The following CFTR variants were observed in gnomAD, a reference collection of about 807,000 sequenced individuals.
CFTR encodes the protein cystic fibrosis transmembrane conductance regulator.
A neutral mutation model predicts 171.6 loss-of-function variants in CFTR; 181 were observed. That is an observed-to-expected ratio of 1.05 (90% CI 0.93 to 1.19). The LOEUF is 1.19. Ranked by LOEUF, CFTR falls within the 50% of genes most tolerant of loss-of-function variation. CFTR has a pLI of 0.00. For missense variants in CFTR, 1,968 were observed against 1,734.7 expected, an observed-to-expected ratio of 1.13 and a Z score of -2.39; for synonymous variants, 583 against 608.0, an observed-to-expected ratio of 0.96 and a Z score of 0.60.
intron 3 of CFTR, among the ~76,000 whole-genome samples, chr7:117,524,490 T>A (rs983644090): frequency 6.6e-6 from 1 of 152,124 alleles, no homozygotes; most frequent in Non-Finnish European, 1.5e-5. Context: ...AAAATATTGA[T>A]CTAAAATAAT....
At chr7:117,580,936 T>C (rs1405544929) in intron 11 of CFTR, among the ~76,000 whole-genome samples, 19 of 152,134 alleles carry the variant, frequency 1.2e-4, no homozygotes, top group South Asian at 2.1e-4. Flanking sequence ...CTGAAACATA[T>C]TCTAGTGGAA....
intron 22 of CFTR, among the ~76,000 whole-genome samples, chr7:117,638,987 G>C (rs1188109953): frequency 1.3e-5 from 2 of 151,944 alleles, no homozygotes; most frequent in Non-Finnish European, 2.9e-5. Context: ...CTCAGCTTTA[G>C]GCTGCCCTTC....
chr7:117,636,075 T>G (rs1305809354), intron 22 of CFTR, among the ~76,000 whole-genome samples: 1 of 152,136 alleles, frequency 6.6e-6, no homozygotes, highest in Non-Finnish European at 1.5e-5. Context: ...TTCCCCAATT[T>G]TTGTTTGTCT....
At chr7:117,660,613 G>GA (rs1275047802) in intron 24 of CFTR, among the ~76,000 whole-genome samples, 2 of 152,066 alleles carry the variant, frequency 1.3e-5, no homozygotes, top group East Asian at 3.9e-4. Flanking sequence ...CTGGGCAATA[G>GA]AGCAAGATTC....
chr7:117,649,765 C>T (rs1316797743), intron 23 of CFTR, among the ~76,000 whole-genome samples: 1 of 152,080 alleles, frequency 6.6e-6, no homozygotes, highest in African/African-American at 2.4e-5. Flanking sequence ...AAACAAAATG[C>T]TCACAAATGC....
chr7:117,530,762 G>A (rs781279506), intron 3 of CFTR, 137 bp from the exon 4 acceptor site: 8 of 678,478 alleles, frequency 1.2e-5, no homozygotes, highest in Non-Finnish European at 2.1e-5. Context: ...AGTGCTAAGA[G>A]TTTCACATAT....
chr7:117,493,062 G>A (rs2116621116), intron 1 of CFTR, among the ~76,000 whole-genome samples: 1 of 152,154 alleles, frequency 6.6e-6, no homozygotes, highest in South Asian at 2.1e-4. Context: ...TCAAAAAGAA[G>A]AGAATCTGGC....
chr7:117,544,637 C>T (rs1002901645), intron 9 of CFTR, among the ~76,000 whole-genome samples: 1 of 152,198 alleles, frequency 6.6e-6, no homozygotes, highest in African/African-American at 2.4e-5. Flanking sequence ...ATTATTCTTC[C>T]TCCAGAAGCT....
At chr7:117,613,999 C>CT (rs752774658) in intron 20 of CFTR, among the ~76,000 whole-genome samples, 3,934 of 72,446 alleles carry the variant, frequency 0.054, 201 homozygotes, top group African/African-American at 0.065. Context: ...GTACAGTAAT[C>CT]TTTTTTTTTT....
intron 15 of CFTR, among the ~76,000 whole-genome samples, chr7:117,601,926 T>A (rs528562941): frequency 1.1e-3 from 166 of 152,360 alleles, no homozygotes; most frequent in Middle Eastern, 3.4e-3. Flanking sequence ...AGCCAAATGT[T>A]TCCACCTTGA....
At chr7:117,512,297 G>A (rs1798531125) in intron 3 of CFTR, among the ~76,000 whole-genome samples, 1 of 152,132 alleles carries the variant, frequency 6.6e-6, no homozygotes, top group Non-Finnish European at 1.5e-5. Context: ...ATCTGACTCA[G>A]CAGCCAGATA....
At chr7:117,532,636 G>C (rs768413101) in intron 4 of CFTR, among the ~76,000 whole-genome samples, 45 of 152,030 alleles carry the variant, frequency 3.0e-4, no homozygotes, top group Non-Finnish European at 5.3e-4. Flanking sequence ...AGGTTAGTTT[G>C]TAAACATGTC....
At chr7:117,606,425 C>T (rs1042542437) in intron 17 of CFTR, among the ~76,000 whole-genome samples, 21 of 152,064 alleles carry the variant, frequency 1.4e-4, no homozygotes, top group East Asian at 1.9e-4. Context: ...AGAAATTGGT[C>T]GTTACTTGAA....
rs77010898 is a variant in CFTR, at chr7:117,642,566, G to A, written c.3846G>A (p.Trp1282Ter). The part of the protein sequence containing the change: ...VSWDSITLQQ[W>*]RKAFGVIPQK... Reference sequence around the variant, plus strand: ...GGGATTCAATAACTTTGCAACAGTGGAGGAAAGCCTTTGGAGTGATACCAC... The same window carrying A: ...GGGATTCAATAACTTTGCAACAGTGAAGGAAAGCCTTTGGAGTGATACCAC... The change falls in exon 23 of 27, where the codon TGG (tryptophan) becomes TGA (stop). Residue 1282 changes from tryptophan (W) to a stop codon, truncating the protein, a stop_gained. Coordinates refer to ENST00000003084, the MANE Select transcript of CFTR (RefSeq NM_000492.4). LOFTEE classifies it high-confidence loss of function. 421 of 1,613,376 alleles carry A rather than the reference G, an allele frequency of 2.6e-4. 1 individual carries two copies. The highest frequency in any genetic ancestry group is 1.6e-4 in the Middle Eastern group (1 of 6,078).
At position 117,592,419 on chromosome 7, in the gene CFTR, G is replaced by T. The variant is rs397508357; in HGVS notation, c.2252G>T (p.Arg751Leu). 8.7e-6 allele frequency: 14 copies of T among 1,612,648 alleles called. No individual in the cohort carries two copies. Among genetic ancestry groups the T allele is most frequent in the Non-Finnish European group, 1.2e-5 (14 of 1,179,240 alleles). Residue 751 changes from arginine to leucine, a missense_variant, in exon 14 of 27, where the codon CGC (arginine) becomes CTC (leucine). By Grantham distance (102) the Arg-to-Leu change is moderately radical (BLOSUM62 -2). Coordinates refer to ENST00000003084, the MANE Select transcript of CFTR (RefSeq NM_000492.4). ...DSEQGEAILP[R>L]ISVISTGPTL... ...GAGCAGGGAGAGGCGATACTGCCTCGCATCAGCGTGATCAGCACTGGCCCC... is the reference window on the plus strand; with the variant it reads ...GAGCAGGGAGAGGCGATACTGCCTCTCATCAGCGTGATCAGCACTGGCCCC...
chr7:117,557,459 C>G (rs1039956359), intron 10 of CFTR, among the ~76,000 whole-genome samples: 2 of 152,008 alleles, frequency 1.3e-5, no homozygotes, highest in African/African-American at 4.8e-5. Context: ...CTTTTTTCTA[C>G]TTGCTTTGCC....
chr7:117,666,164 GC>G (rs1455527443), intron 26 of CFTR, among the ~76,000 whole-genome samples: 4 of 152,118 alleles, frequency 2.6e-5, no homozygotes, highest in African/African-American at 9.7e-5. Flanking sequence ...TTCAAGACCA[GC>G]CCAGGCAACA....
intron 1 of CFTR, among the ~76,000 whole-genome samples, chr7:117,482,063 G>T (rs1284479756): frequency 6.6e-6 from 1 of 152,132 alleles, no homozygotes; most frequent in African/African-American, 2.4e-5. Flanking sequence ...CACAGTACAT[G>T]CACCTTGTTA....
chr7:117,597,656 G>A (rs1792153864), intron 15 of CFTR, among the ~76,000 whole-genome samples: 1 of 152,136 alleles, frequency 6.6e-6, no homozygotes, highest in South Asian at 2.1e-4. Context: ...TTTCCTCACA[G>A]AATGAGATTA....
Sources: gnomAD v4.1 joint callset for allele counts (sites outside exome capture counted in the v4.1 genomes callset) on GRCh38, gnomAD v4.1.1 for gene constraint, MANE v1.5 for transcripts, NCBI Gene and HGNC (gene_info 2026-07-23, HGNC 2026-07-21) for gene names.